The following NUP35 variants were observed in gnomAD, a reference collection of about 807,000 sequenced individuals.
NUP35 encodes the protein nucleoporin 35.
In NUP35, 25 loss-of-function variants were observed where a neutral mutation model predicts 41.5. That is an observed-to-expected ratio of 0.60 (90% CI 0.44 to 0.84). The LOEUF (loss-of-function observed/expected upper bound fraction) is 0.84, where lower values mean the gene tolerates loss of function less well. Ranked by LOEUF, NUP35 falls within the 40% of genes least tolerant of loss-of-function variation. The pLI is 0.00. For missense variants in NUP35, 396 were observed against 396.6 expected, an observed-to-expected ratio of 1.00 and a Z score of 0.01; for synonymous variants, 149 against 130.7, an observed-to-expected ratio of 1.14 and a Z score of -0.96.
intron 4 of NUP35, among the ~76,000 whole-genome samples, chr2:183,146,235 CAA>C (rs201945920): frequency 6.8e-6 from 1 of 147,332 alleles, no homozygotes; most frequent in African/African-American, 2.5e-5. Context: ...GACTCTGTCT[CAA>C]AAAAAAAAGT....
chr2:183,148,207 A>G (rs1053480938), intron 4 of NUP35, among the ~76,000 whole-genome samples: 3 of 152,136 alleles, frequency 2.0e-5, no homozygotes, highest in Non-Finnish European at 2.9e-5. Context: ...TCATTCACCC[A>G]TTGTTGAACC....
chr2:183,133,952 T>C (rs1291612915), intron 4 of NUP35, among the ~76,000 whole-genome samples: 1 of 152,180 alleles, frequency 6.6e-6, no homozygotes, highest in African/African-American at 2.4e-5. Context: ...ACTTAATAGA[T>C]GTTTGAAGTA....
At chr2:183,122,039 T>C (rs1420273510), upstream of NUP35, among the ~76,000 whole-genome samples, 2 of 150,980 alleles carry the variant, frequency 1.3e-5, no homozygotes, top group East Asian at 3.9e-4. Flanking sequence ...CCTTTTCTAC[T>C]TTACTGTTAA....
intron 4 of NUP35, among the ~76,000 whole-genome samples, chr2:183,137,315 C>T (rs1290350562): frequency 1.3e-5 from 2 of 152,100 alleles, no homozygotes; most frequent in East Asian, 1.9e-4. Context: ...TGAGTCATGC[C>T]AGGTGCCACT....
intron 3 of NUP35, chr2:183,131,407 G>A (rs1478816607): frequency 1.3e-5 from 2 of 152,268 alleles, no homozygotes; most frequent in African/African-American, 2.4e-5. Flanking sequence ...TATGTTTTAT[G>A]CCTTTCCCTA....
intron 4 of NUP35, among the ~76,000 whole-genome samples, chr2:183,148,910 G>T (rs76371575): frequency 6.6e-6 from 1 of 152,052 alleles, no homozygotes; most frequent in Admixed American, 6.6e-5. Context: ...CAAAGCGCTG[G>T]GATTACAGTC....
At chr2:183,124,909 C>T (rs12612008) in intron 1 of NUP35, among the ~76,000 whole-genome samples, 90,515 of 151,744 alleles carry the variant, frequency 0.6, 29,739 homozygotes, top group East Asian at 0.98. Context: ...GTGGGCGGTG[C>T]CCTGAAGTGT....
intron 4 of NUP35, among the ~76,000 whole-genome samples, chr2:183,150,399 CA>C (rs1365522213): frequency 1.3e-5 from 2 of 152,322 alleles, no homozygotes; most frequent in South Asian, 4.1e-4. Context: ...CCTCACTGTG[CA>C]AACAGTGGCC....
chr2:183,126,506 A>G (rs1028123330), intron 1 of NUP35, among the ~76,000 whole-genome samples: 2 of 152,078 alleles, frequency 1.3e-5, no homozygotes, highest in African/African-American at 4.8e-5. Flanking sequence ...TTTTGGTTTG[A>G]TTTTAGTGGA....
chr2:183,157,425 G>T lies in NUP35; in HGVS notation c.540-19G>T. 6.3e-7 allele frequency: 1 copy of T among 1,585,084 alleles called. No individual in the cohort carries two copies. The highest frequency in any genetic ancestry group is 1.1e-5 in the South Asian group (1 of 90,394). On this transcript the variant is annotated intron_variant, in intron 5 of 8. Transcript: ENST00000295119. ...GATAGTAGAAGCTGACGTTTTCTTT[G>T]GACAACTCTTTTTTTCAGGTTTCCT...
At chr2:183,157,293 G>A in intron 5 of NUP35, 151 bp from the exon 6 acceptor site, 1 of 655,440 alleles carries the variant, frequency 1.5e-6, no homozygotes, top group South Asian at 1.7e-5. Flanking sequence ...GACAGAATTA[G>A]CCCATATCGG....
At position 183,129,090 on chromosome 2, in the gene NUP35, A is replaced by G. The variant is rs149942631; in HGVS notation, c.211+633A>G. 9.9e-3 allele frequency among the ~76,000 whole-genome samples: 1,515 copies of G among 152,354 alleles called. 31 individuals are homozygous for G. Among genetic ancestry groups the G allele is most frequent in the African/African-American group, 0.035 (1,450 of 41,568 alleles). Reference sequence around the variant, plus strand: ...GCTTCAACTGAATTCATTTAAAGTAATTCATCTTAAGATACAAGAATAGGA... The same window carrying G: ...GCTTCAACTGAATTCATTTAAAGTAGTTCATCTTAAGATACAAGAATAGGA... On this transcript the variant is annotated intron_variant, in intron 2 of 8. Transcript: ENST00000295119.
chr2:183,123,848 T>C (rs1700103262), upstream of NUP35: 2 of 982,750 alleles, frequency 2.0e-6, no homozygotes, highest in African/African-American at 3.5e-5. Flanking sequence ...TATCTTCCAT[T>C]ATTTACATGT....
At chr2:183,125,709 A>G (rs1333972039) in intron 1 of NUP35, among the ~76,000 whole-genome samples, 17 of 152,174 alleles carry the variant, frequency 1.1e-4, no homozygotes, top group Admixed American at 1.1e-3. Context: ...GGGGTTACAA[A>G]TGTGAGTAAA....
At position 183,154,426 on chromosome 2, in the gene NUP35, T is replaced by C. The variant is rs184355278; in HGVS notation, c.539+2777T>C. ...GCTTTTAATAGCACTCAAGTCACCTTTTGAATGCTTTGCTGCTTAGAAATT... is the reference window on the plus strand; with the variant it reads ...GCTTTTAATAGCACTCAAGTCACCTCTTGAATGCTTTGCTGCTTAGAAATT... On this transcript the variant is annotated intron_variant, in intron 5 of 8. Transcript: ENST00000295119. Among the ~76,000 whole-genome samples, 50 of 152,342 alleles carry C rather than the reference T, an allele frequency of 3.3e-4. 1 individual carries two copies. The East Asian group carries it at 9.3e-3, about 28-fold the overall frequency.
At position 183,130,432 on chromosome 2, in the gene NUP35, C is replaced by G; in HGVS notation, c.226C>G (p.Gln76Glu). The G allele has an allele frequency of 1.3e-6, 2 of 1,586,772 alleles. No individual in the cohort carries two copies. The highest frequency in any genetic ancestry group is 1.7e-6 in the Non-Finnish European group (2 of 1,170,112). ...GTACACTGTAGGTGGGTCACCACCA[C>G]AACCAGTTGTACCAGCTCATAAAGA... ...SPLLAGGSPP[Q>E]PVVPAHKDKS... Residue 76 changes from glutamine (Q) to glutamate (E), a missense_variant, in exon 3 of 9, where the codon CAA (glutamine) becomes GAA (glutamate). Gln to Glu is a conservative substitution (Grantham distance 29). Transcript: ENST00000295119.
At chr2:183,119,718 T>A (rs1287653000), upstream of NUP35, among the ~76,000 whole-genome samples, 1 of 152,080 alleles carries the variant, frequency 6.6e-6, no homozygotes, top group Non-Finnish European at 1.5e-5. Flanking sequence ...AGGGTCCAGC[T>A]CTGTGGCCTA....
At chr2:183,134,664 A>G (rs1684815403) in intron 4 of NUP35, among the ~76,000 whole-genome samples, 1 of 151,328 alleles carries the variant, frequency 6.6e-6, no homozygotes, top group Admixed American at 6.6e-5. Context: ...CGCCCAGGTT[A>G]GAGTGCAGTG....
chr2:183,133,681 C>A, intron 4 of NUP35, 58 bp downstream of exon 4: 1 of 1,297,326 alleles, frequency 7.7e-7, no homozygotes, highest in Non-Finnish European at 1.0e-6. Context: ...GCTCTGCTAC[C>A]CACGCTGGAG....
Sources: allele counts gnomAD v4.1 joint callset (sites outside exome capture counted in the v4.1 genomes callset), GRCh38; gene constraint gnomAD v4.1.1; transcripts MANE v1.5; gene names NCBI Gene and HGNC (gene_info 2026-07-23, HGNC 2026-07-21).